Variants in CFAP276 observed in about 807,000 individuals in gnomAD.
CFAP276 encodes the protein cilia and flagella associated protein 276.
At chr1:109,112,681 G>C in the CFAP276 span, 2 of 1,550,106 alleles carry the variant, frequency 1.3e-6, no homozygotes, top group African/African-American at 2.7e-5. Context: ...GGGAGGCATG[G>C]CTAAATGCCT....
At chr1:109,113,596 A>G in the CFAP276 span, 1 of 1,609,822 alleles carries the variant, frequency 6.2e-7, no homozygotes, top group Non-Finnish European at 8.5e-7. Flanking sequence ...GGGATGTAAG[A>G]TCTCCAGGAG....
the CFAP276 span, among the ~76,000 whole-genome samples, chr1:109,110,405 G>T: frequency 7.2e-5 from 11 of 152,294 alleles, no homozygotes; most frequent in East Asian, 2.1e-3. Flanking sequence ...AGTTATCAAT[G>T]ATCTCTGTGG....
chr1:109,107,057 C>A, the CFAP276 span: 1 of 1,614,104 alleles, frequency 6.2e-7, no homozygotes, highest in South Asian at 1.1e-5. Flanking sequence ...CACTTTTGTT[C>A]TTGAATGTCC....
the CFAP276 span, chr1:109,112,851 G>T: frequency 1.8e-6 from 2 of 1,134,296 alleles, no homozygotes; most frequent in African/African-American, 3.2e-5. Flanking sequence ...GCCACCTGGC[G>T]GCTGACCACG....
the CFAP276 span, chr1:109,113,735 C>A: frequency 6.3e-7 from 1 of 1,596,656 alleles, no homozygotes; most frequent in South Asian, 1.1e-5. Flanking sequence ...CATAAAATAA[C>A]CCCTGGCCCG....
chr1:109,112,326 G>T, the CFAP276 span, among the ~76,000 whole-genome samples: 1 of 152,176 alleles, frequency 6.6e-6, no homozygotes, highest in Non-Finnish European at 1.5e-5. Context: ...AAGGAACCTG[G>T]GCACTGCCAT....
chr1:109,107,017 C>T, the CFAP276 span: 34 of 1,613,150 alleles, frequency 2.1e-5, no homozygotes, highest in Admixed American at 5.5e-4. Context: ...CTATAGGTAT[C>T]CTGCGTGGTT....
the CFAP276 span, among the ~76,000 whole-genome samples, chr1:109,109,834 G>A: frequency 7.2e-5 from 11 of 152,170 alleles, no homozygotes; most frequent in South Asian, 4.2e-4. Context: ...ACCGTGCCCC[G>A]CTGTGAGTCA....
the CFAP276 span, chr1:109,106,799 G>T: frequency 9.2e-7 from 1 of 1,087,600 alleles, no homozygotes; most frequent in Non-Finnish European, 1.3e-6. Context: ...CAAAGATTTT[G>T]TTTATACAGA....
the CFAP276 span, chr1:109,106,103 G>A: frequency 1.9e-6 from 3 of 1,607,428 alleles, no homozygotes; most frequent in Non-Finnish European, 2.5e-6. Context: ...GGGACACTGT[G>A]GAGAAAAGAG....
the CFAP276 span, chr1:109,107,169 C>G: frequency 1.3e-4 from 190 of 1,439,656 alleles, 1 homozygote; most frequent in Non-Finnish European, 1.8e-4. Flanking sequence ...ACCTGTGTCC[C>G]TGCTCTAGTC....
At chr1:109,106,504 C>G in the CFAP276 span, 2 of 1,609,184 alleles carry the variant, frequency 1.2e-6, no homozygotes, top group Non-Finnish European at 1.7e-6. Flanking sequence ...CCCCACTGCC[C>G]CATCTGCTTA....
the CFAP276 span, among the ~76,000 whole-genome samples, chr1:109,108,617 G>A: frequency 2.0e-5 from 3 of 152,188 alleles, no homozygotes; most frequent in African/African-American, 4.8e-5. Context: ...GGAGCAGATA[G>A]GAAAAATGAT....
At chr1:109,106,426 T>A in the CFAP276 span, 459,014 of 1,371,018 alleles carry the variant, frequency 0.33, 82,193 homozygotes, top group African/African-American at 0.63. Context: ...GACCCACAGA[T>A]ATCCTTCATC....
the CFAP276 span, chr1:109,113,676 ATCT>A: frequency 2.5e-6 from 4 of 1,613,954 alleles, no homozygotes; most frequent in African/African-American, 4.0e-5. Context: ...TGATCTCTCC[ATCT>A]TCTTTCTCTC....
chr1:109,106,642 G>C, the CFAP276 span: 1 of 1,613,948 alleles, frequency 6.2e-7, no homozygotes, highest in Non-Finnish European at 8.5e-7. Flanking sequence ...AAATTCTCCA[G>C]GGAATTGGAT....
At chr1:109,107,890 C>G in the CFAP276 span, 1 of 1,540,834 alleles carries the variant, frequency 6.5e-7, no homozygotes, top group Non-Finnish European at 8.9e-7. Flanking sequence ...TAAACGGCTG[C>G]AAAGAGGAAT....
chr1:109,113,451 A>AGAGG, the CFAP276 span, among the ~76,000 whole-genome samples: 1 of 120,472 alleles, frequency 8.3e-6, no homozygotes, highest in South Asian at 2.8e-4. Flanking sequence ...AGAGAGAGAG[A>AGAGG]GAGAGAGAGA....
the CFAP276 span, among the ~76,000 whole-genome samples, chr1:109,113,453 A>AGTGG: frequency 7.2e-6 from 1 of 139,670 alleles, no homozygotes; most frequent in Non-Finnish European, 1.6e-5. Flanking sequence ...AGAGAGAGAG[A>AGTGG]GAGAGAGAGA....
Sources: gnomAD v4.1 joint callset for allele counts (sites outside exome capture counted in the v4.1 genomes callset) on GRCh38, gnomAD v4.1.1 for gene constraint, MANE v1.5 for transcripts, NCBI Gene and HGNC (gene_info 2026-07-23, HGNC 2026-07-21) for gene names.